PPTC7: variants seen among roughly 807,000 people sequenced by gnomAD.
The protein encoded by PPTC7 is protein phosphatase targeting COQ7, also known as protein phosphatase PTC7 homolog.
A neutral mutation model predicts 30.8 loss-of-function variants in PPTC7; 6 were observed. That is an observed-to-expected ratio of 0.19 (90% confidence interval 0.11 to 0.38). PPTC7 has a LOEUF of 0.38. Among genes scored for constraint, PPTC7 ranks in the 10% least tolerant of loss-of-function variants. The pLI, the probability that PPTC7 is intolerant of heterozygous loss-of-function variation, is 1.00. For synonymous variants in PPTC7, 163 were observed against 168.1 expected (o/e 0.97, Z 0.23); for missense variants, 218 against 404.8 (o/e 0.54, Z 3.96).
chr12:110,582,786 A>C (rs867017070), intron 1 of PPTC7, 23 bp downstream of exon 1: 26 of 1,532,052 alleles, frequency 1.7e-5, no homozygotes, highest in Non-Finnish European at 2.2e-5. Context: ...GGCTGGGGCA[A>C]GGGAACCGGG....
At chr12:110,577,621 T>A (rs2064600645) in intron 1 of PPTC7, among the ~76,000 whole-genome samples, 2 of 152,200 alleles carry the variant, frequency 1.3e-5, no homozygotes, top group Non-Finnish European at 2.9e-5. Context: ...AAGACTGACA[T>A]TACTCACAAA....
At chr12:110,566,497 T>A (rs1357018611) in intron 1 of PPTC7, among the ~76,000 whole-genome samples, 1 of 152,028 alleles carries the variant, frequency 6.6e-6, no homozygotes, top group Non-Finnish European at 1.5e-5. Flanking sequence ...GTGAATGGAG[T>A]CGTATCCTCG....
chr12:110,563,575 A>G (rs527304320), intron 1 of PPTC7, among the ~76,000 whole-genome samples: 12 of 152,126 alleles, frequency 7.9e-5, no homozygotes, highest in Non-Finnish European at 1.6e-4. Context: ...AGACTGCGCC[A>G]CTGCACGCCA....
intron 3 of PPTC7, 25 bp downstream of exon 3, chr12:110,545,855 C>A: frequency 6.2e-7 from 1 of 1,611,318 alleles, no homozygotes; most frequent in Non-Finnish European, 8.5e-7. Context: ...CCTGCTCACA[C>A]TTAATGGCTG....
intron 1 of PPTC7, among the ~76,000 whole-genome samples, chr12:110,573,208 G>A (rs1195061254): frequency 6.6e-6 from 1 of 152,098 alleles, no homozygotes; most frequent in African/African-American, 2.4e-5. Flanking sequence ...CAAAGGCCTT[G>A]CAAATGCTCA....
At chr12:110,565,596 T>C (rs2064477316) in intron 1 of PPTC7, among the ~76,000 whole-genome samples, 1 of 152,186 alleles carries the variant, frequency 6.6e-6, no homozygotes, top group South Asian at 2.1e-4. Flanking sequence ...GTTACTTTCA[T>C]GGGAAGGATG....
rs1407686714 is a variant in PPTC7 at position 110,534,401 on chromosome 12, T to C, written c.*2636A>G. ...ATAAAAGTCCATTACATGAGGCGTGTGTGTGTGTGTGTGTTGCTTAAAATA... is the reference window on the plus strand; with the variant it reads ...ATAAAAGTCCATTACATGAGGCGTGCGTGTGTGTGTGTGTTGCTTAAAATA... On this transcript the variant is annotated 3_prime_UTR_variant, in exon 6 of 6. Transcript: ENST00000354300. The C allele has an allele frequency of 1.3e-5, 2 of 151,790 alleles. No individual in the cohort carries two copies. Among genetic ancestry groups the C allele is most frequent in the East Asian group, 1.9e-4 (1 of 5,186 alleles). 9.4% of individuals were successfully genotyped at this position (151,790 alleles called of 1,614,324 possible).
intron 1 of PPTC7, among the ~76,000 whole-genome samples, chr12:110,580,178 A>G (rs2064625238): frequency 6.6e-6 from 1 of 152,224 alleles, no homozygotes; most frequent in Non-Finnish European, 1.5e-5. Context: ...ACCACAAATC[A>G]CAGAGCTACT....
chr12:110,574,989 C>G (rs545924083), intron 1 of PPTC7, among the ~76,000 whole-genome samples: 1 of 143,192 alleles, frequency 7.0e-6, no homozygotes, highest in African/African-American at 2.6e-5. Context: ...GGGGTTTCGT[C>G]ATATTGGCCA....
chr12:110,547,456 T>C (rs2064316661), intron 2 of PPTC7, among the ~76,000 whole-genome samples: 1 of 152,216 alleles, frequency 6.6e-6, no homozygotes, highest in African/African-American at 2.4e-5. Flanking sequence ...CAAACCCTTA[T>C]AACAGATAGT....
chr12:110,583,048 C>G lies in PPTC7; in HGVS notation c.-17G>C, dbSNP rs1189824806. On this transcript the variant is annotated 5_prime_UTR_variant, in exon 1 of 6. Transcript: ENST00000354300. Reference sequence around the variant, plus strand: ...CGAGAACATCGCCGCCGCCGCCCCCCCGAGGAGGCGGGGGGCCGGGGGAGC... The same window carrying G: ...CGAGAACATCGCCGCCGCCGCCCCCGCGAGGAGGCGGGGGGCCGGGGGAGC... 4.3e-6 allele frequency: 6 copies of G among 1,381,026 alleles called. No individual in the cohort carries two copies. Among genetic ancestry groups the G allele is most frequent in the East Asian group, 6.0e-5 (2 of 33,234 alleles). 85.5% of individuals were successfully genotyped at this position (1,381,026 alleles called of 1,614,324 possible). A position where few individuals can be genotyped will look rare whatever the true frequency, so the allele number is the denominator to read the frequency against.
chr12:110,573,155 T>C (rs554349159), intron 1 of PPTC7, among the ~76,000 whole-genome samples: 4 of 152,282 alleles, frequency 2.6e-5, no homozygotes, highest in South Asian at 4.1e-4. Flanking sequence ...GTTGGGATTA[T>C]AGGCGTGAGC....
chr12:110,545,174 T>A (rs889248302), intron 3 of PPTC7, among the ~76,000 whole-genome samples: 4 of 151,862 alleles, frequency 2.6e-5, no homozygotes, highest in Non-Finnish European at 4.4e-5. Flanking sequence ...CTCACTGCAA[T>A]CTCTGCCTCC....
intron 1 of PPTC7, among the ~76,000 whole-genome samples, chr12:110,562,823 A>G (rs1271505471): frequency 3.3e-5 from 5 of 151,324 alleles, no homozygotes; most frequent in Admixed American, 6.6e-5. Context: ...AAAAAAAAAA[A>G]GAAGAAAGAT....
At chr12:110,537,916 C>T (rs1022877259) in intron 5 of PPTC7, among the ~76,000 whole-genome samples, 1 of 152,202 alleles carries the variant, frequency 6.6e-6, no homozygotes, top group Non-Finnish European at 1.5e-5. Flanking sequence ...CTTCAGGTTC[C>T]ACCTGCCTCT....
intron 1 of PPTC7, among the ~76,000 whole-genome samples, chr12:110,564,816 T>C (rs367748695): frequency 2.8e-4 from 33 of 116,196 alleles, no homozygotes; most frequent in African/African-American, 1.1e-3. Flanking sequence ...TATATGTATA[T>C]GTGTATATAT....
intron 1 of PPTC7, among the ~76,000 whole-genome samples, chr12:110,555,651 G>T (rs1028573197): frequency 1.3e-5 from 2 of 152,176 alleles, no homozygotes; most frequent in Non-Finnish European, 2.9e-5. Context: ...CAGACATTTG[G>T]TATCCATGAA....
At chr12:110,543,672 G>C (rs2064282561) in intron 3 of PPTC7, among the ~76,000 whole-genome samples, 1 of 152,138 alleles carries the variant, frequency 6.6e-6, no homozygotes. Flanking sequence ...GCTCCCATTG[G>C]ACAGTTCGTC....
Position 110,540,625 on chromosome 12 carries a change from T to G in PPTC7, c.603-680A>C, listed in dbSNP as rs542029391. On this transcript the variant is annotated intron_variant, in intron 3 of 5. Transcript: ENST00000354300. ...CCCCGGCCTCCCAAAGTGCTGGGAT[T>G]ACAGGCATGAGCCACTGTAATCACC... 3.3e-5 allele frequency among the ~76,000 whole-genome samples: 5 copies of G among 151,482 alleles called. No individual in the cohort carries two copies. The East Asian group carries it at 9.9e-4, about 30-fold the overall frequency.
Sources: allele counts gnomAD v4.1 joint callset (sites outside exome capture counted in the v4.1 genomes callset), GRCh38; gene constraint gnomAD v4.1.1; transcripts MANE v1.5; gene names NCBI Gene and HGNC (gene_info 2026-07-23, HGNC 2026-07-21).